Variants in RNF128 observed in about 807,000 individuals in gnomAD.
RNF128 encodes ring finger protein 128, also known as E3 ubiquitin-protein ligase RNF128.
A neutral mutation model predicts 26.2 loss-of-function variants in RNF128; 13 were observed. That is an observed-to-expected ratio of 0.50 (90% confidence interval 0.32 to 0.79). The LOEUF is 0.79. Among genes scored for constraint, RNF128 ranks in the 30% least tolerant of loss-of-function variants. The pLI is 0.03. For missense variants in RNF128, 315 were observed against 349.7 expected, an observed-to-expected ratio of 0.90 and a Z score of 0.79; for synonymous variants, 149 against 142.5, an observed-to-expected ratio of 1.05 and a Z score of -0.32.
upstream of RNF128, among the ~76,000 whole-genome samples, chrX:106,723,152 G>GA (rs1602367776): frequency 8.9e-6 from 1 of 111,880 alleles, no homozygotes; most frequent in Non-Finnish European, 1.9e-5. Flanking sequence ...AGAAAAGTAG[G>GA]AAAAAAAGTA....
chrX:106,790,540 TC>T (rs1930804488), intron 5 of RNF128, among the ~76,000 whole-genome samples: 1 of 110,955 alleles, frequency 9.0e-6, no homozygotes, highest in African/African-American at 3.3e-5. Context: ...CAACTTGGCA[TC>T]CCTCTTTCTG....
At position 106,746,625 on chromosome X, in the gene RNF128, C is replaced by T. The variant is rs188698567; in HGVS notation, c.484+19228C>T. ...CCCAATAATGCCCAAGATAGACATT[C>T]TTTGTATTAACATTTTAATTGAATG... On this transcript the variant is annotated intron_variant, in intron 1 of 6. Coordinates refer to ENST00000255499, the MANE Select transcript of RNF128 (RefSeq NM_194463.2). Among the ~76,000 whole-genome samples the T allele has an allele frequency of 6.3e-5, 7 of 111,679 alleles. No homozygotes were observed. The East Asian group carries it at 2.0e-3, about 31-fold the overall frequency.
At chrX:106,774,155 T>A (rs1484932099) in intron 2 of RNF128, among the ~76,000 whole-genome samples, 1 of 111,578 alleles carries the variant, frequency 9.0e-6, no homozygotes, top group East Asian at 2.8e-4. Flanking sequence ...ACTCTCCTAC[T>A]GTTGGATAAC....
intron 1 of RNF128, among the ~76,000 whole-genome samples, chrX:106,694,564 T>C (rs1376676565): frequency 3.6e-5 from 4 of 111,675 alleles, no homozygotes; most frequent in Non-Finnish European, 7.5e-5. Context: ...TTATTATTAT[T>C]TAATATTTTT....
At chrX:106,765,339 A>C (rs2147689909) in intron 1 of RNF128, among the ~76,000 whole-genome samples, 1 of 112,322 alleles carries the variant, frequency 8.9e-6, no homozygotes, top group East Asian at 2.8e-4. Context: ...AACTTTGGCT[A>C]CTGAGGACCA....
At position 106,790,232 on chromosome X, in the gene RNF128, A is replaced by G. The variant is rs1467705657; in HGVS notation, c.934A>G (p.Arg312Gly). The G allele has an allele frequency of 8.3e-7, 1 of 1,205,695 alleles. No individual in the cohort carries two copies. Among genetic ancestry groups the G allele is most frequent in the Non-Finnish European group, 1.1e-6 (1 of 890,999 alleles). ...TCVDPWLLEH[R>G]TCPMCKCDIL... ...TGTTGACCCATGGCTGTTAGAACAC[A>G]GGACTTGCCCCATGTGCAAATGTGA... Residue 312 changes from arginine (R) to glycine (G), a missense_variant, in exon 5 of 7, where the codon AGG becomes GGG. By Grantham distance (125) the Arg-to-Gly change is moderately radical. Transcript: ENST00000255499.
At chrX:106,711,766 TTATACTGACA>T (rs902876615) in intron 1 of RNF128, among the ~76,000 whole-genome samples, 1 of 112,050 alleles carries the variant, frequency 8.9e-6, no homozygotes, top group Non-Finnish European at 1.9e-5. Flanking sequence ...GGGTAACTTG[TTATACTGACA>T]TCTGAAATCA....
chrX:106,703,342 G>T, intron 1 of RNF128, among the ~76,000 whole-genome samples: 1 of 111,387 alleles, frequency 9.0e-6, no homozygotes. Context: ...ACTATGTGCC[G>T]AGCATTCTTC....
At chrX:106,747,733 G>A (rs912929542) in intron 1 of RNF128, among the ~76,000 whole-genome samples, 2 of 112,109 alleles carry the variant, frequency 1.8e-5, no homozygotes, top group Admixed American at 9.4e-5. Flanking sequence ...GACATTGAAG[G>A]AAAATAAATT....
At chrX:106,763,234 AATTATGAGGGTCTAT>A (rs1930148178) in intron 1 of RNF128, among the ~76,000 whole-genome samples, 1 of 110,246 alleles carries the variant, frequency 9.1e-6, no homozygotes, top group Non-Finnish European at 1.9e-5. Context: ...ATTTCAAAGA[AATTATGAGGGTCTAT>A]ATTAAGACAG....
intron 1 of RNF128, among the ~76,000 whole-genome samples, chrX:106,732,312 G>A (rs190542852): frequency 1.9e-3 from 213 of 111,670 alleles, no homozygotes; most frequent in Non-Finnish European, 3.4e-3. Context: ...CTTATAGTAC[G>A]TTCTGCATTT....
intron 1 of RNF128, among the ~76,000 whole-genome samples, chrX:106,767,271 G>C (rs1930268844): frequency 9.0e-6 from 1 of 111,703 alleles, no homozygotes; most frequent in Non-Finnish European, 1.9e-5. Flanking sequence ...GCAGCTTGAT[G>C]GGGATGGCAT....
Position 106,715,292 on chromosome X carries a change from A to G in RNF128, c.406+20884A>G, listed in dbSNP as rs754469115. Among the ~76,000 whole-genome samples the G allele has an allele frequency of 2.7e-5, 3 of 112,289 alleles. No homozygotes were observed. In the South Asian group the frequency reaches 1.1e-3, roughly 42 times the overall value. The stretch of plus-strand genomic sequence containing the variant: ...CTGTGATTTTAATTTGCATTTCCCT[A>G]ATGGCTAATGACATTTAACATCTTT... On this transcript the variant is annotated intron_variant, in intron 1 of 6. Coordinates refer to the RNF128 transcript ENST00000324342.
intron 1 of RNF128, chrX:106,694,445 C>T (rs762831067): frequency 4.9e-5 from 53 of 1,071,133 alleles, no homozygotes; most frequent in Non-Finnish European, 6.3e-5. Context: ...AGTTAATGTC[C>T]GTTTATCTTA....
intron 1 of RNF128, among the ~76,000 whole-genome samples, chrX:106,753,338 A>G (rs938709857): frequency 1.8e-5 from 2 of 111,079 alleles, no homozygotes; most frequent in African/African-American, 6.7e-5. Context: ...TAGAGTTTCA[A>G]TTAGTTTTCT....
In RNF128 at chrX:106,726,881, A is replaced by T. The variant is rs1929406704; in HGVS notation, c.-33A>T. On this transcript the variant is annotated 5_prime_UTR_variant, in exon 1 of 7. Coordinates refer to ENST00000255499, the MANE Select transcript of RNF128 (RefSeq NM_194463.2). The stretch of plus-strand genomic sequence containing the variant: ...GCCAAGCGCTAGGAGGGCGCGTGCC[A>T]GGGGCGCTAGGGAACTGCGGAGCGC... 1.8e-6 allele frequency: 2 copies of T among 1,141,441 alleles called. No individual in the cohort carries two copies. The highest frequency in any genetic ancestry group is 2.3e-6 in the Non-Finnish European group (2 of 864,430). 94.1% of individuals were successfully genotyped at this position (1,141,441 alleles called of 1,213,427 possible). A position where few individuals can be genotyped will look rare whatever the true frequency, so the allele number is the denominator to read the frequency against.
At chrX:106,746,598 T>TC (rs1234383740) in intron 1 of RNF128, among the ~76,000 whole-genome samples, 1 of 111,532 alleles carries the variant, frequency 9.0e-6, no homozygotes, top group Non-Finnish European at 1.9e-5. Context: ...TAATAATTTT[T>TC]CCCCAATAAT....
chrX:106,708,138 C>G (rs775960545), intron 1 of RNF128, among the ~76,000 whole-genome samples: 1 of 111,990 alleles, frequency 8.9e-6, no homozygotes, highest in South Asian at 3.8e-4. Flanking sequence ...GATTGGGGTT[C>G]CTCGGCTTGA....
chrX:106,716,802 T>C (rs925144220), intron 1 of RNF128, among the ~76,000 whole-genome samples: 3 of 111,450 alleles, frequency 2.7e-5, no homozygotes, highest in African/African-American at 6.5e-5. Flanking sequence ...AAATGCAATA[T>C]AGTATGAAAG....
Sources: allele counts gnomAD v4.1 joint callset (sites outside exome capture counted in the v4.1 genomes callset), GRCh38; gene constraint gnomAD v4.1.1; transcripts MANE v1.5; gene names NCBI Gene and HGNC (gene_info 2026-07-23, HGNC 2026-07-21).